CACNA2D1: variants seen among roughly 807,000 people sequenced by gnomAD.
CACNA2D1 encodes calcium voltage-gated channel auxiliary subunit alpha2delta 1.
In CACNA2D1, 53 loss-of-function variants were observed where a neutral mutation model predicts 171.5. The ratio of observed to expected loss-of-function variants is 0.31; its 90% CI spans 0.25 to 0.39. The LOEUF (loss-of-function observed/expected upper bound fraction) is 0.39. Ranked by LOEUF, CACNA2D1 falls within the 10% of genes least tolerant of loss-of-function variation. CACNA2D1 has a pLI of 1.00. For missense variants in CACNA2D1, 903 were observed against 1,299.8 expected (o/e 0.69, Z 4.69); for synonymous variants, 442 against 443.1 (o/e 1.00, Z 0.03).
intron 13 of CACNA2D1, 143 bp from the exon 14 acceptor site, chr7:82,013,653 C>G: frequency 4.0e-6 from 1 of 248,768 alleles, no homozygotes; most frequent in Non-Finnish European, 7.6e-6. Context: ...ACTGAAATAT[C>G]AAAATTAAGG....
At chr7:82,106,924 T>C (rs1314873821) in intron 6 of CACNA2D1, among the ~76,000 whole-genome samples, 1 of 152,218 alleles carries the variant, frequency 6.6e-6, no homozygotes, top group Non-Finnish European at 1.5e-5. Flanking sequence ...ATTAACCATA[T>C]ATGCTGACAT....
chr7:82,040,703 A>G (rs896047536), intron 10 of CACNA2D1, among the ~76,000 whole-genome samples: 1 of 152,104 alleles, frequency 6.6e-6, no homozygotes, highest in Non-Finnish European at 1.5e-5. Flanking sequence ...GGCCGGGCAC[A>G]GTGGTTCAGA....
rs118036824 is a variant in CACNA2D1, at chr7:82,336,088, T to A, written c.178-837A>T. 7.5e-3 allele frequency among the ~76,000 whole-genome samples: 1,146 copies of A among 152,230 alleles called. 8 individuals carry two copies. Among genetic ancestry groups the A allele is most frequent in the Non-Finnish European group, 0.011 (725 of 68,016 alleles). On this transcript the variant is annotated intron_variant, in intron 2 of 38. Transcript: ENST00000356860. Reference sequence around the variant, plus strand: ...AGATGAGAAGGAAATCCCTCATGCATCCAACAGATGGGGTGCACATGCATG... The same window carrying A: ...AGATGAGAAGGAAATCCCTCATGCAACCAACAGATGGGGTGCACATGCATG...
intron 31 of CACNA2D1, among the ~76,000 whole-genome samples, chr7:81,966,944 C>A (rs952231669): frequency 1.5e-4 from 22 of 151,350 alleles, no homozygotes; most frequent in Admixed American, 8.6e-4. Context: ...TTGACATGAC[C>A]ATTTTTTTAC....
At chr7:82,257,563 T>C (rs1359416836) in intron 3 of CACNA2D1, among the ~76,000 whole-genome samples, 6 of 152,164 alleles carry the variant, frequency 3.9e-5, no homozygotes, top group Admixed American at 1.3e-4. Flanking sequence ...AATAAAGAAA[T>C]ACAGGAGTTA....
chr7:82,063,587 A>G (rs1807230663), intron 9 of CACNA2D1, among the ~76,000 whole-genome samples: 2 of 151,520 alleles, frequency 1.3e-5, no homozygotes, highest in Non-Finnish European at 2.9e-5. Context: ...AGGGAAAAAC[A>G]TGAGCATTTC....
At chr7:82,378,623 C>A (rs1315872922) in intron 1 of CACNA2D1, among the ~76,000 whole-genome samples, 1 of 152,044 alleles carries the variant, frequency 6.6e-6, no homozygotes, top group Non-Finnish European at 1.5e-5. Flanking sequence ...TCATTATATG[C>A]CTAATTTTGT....
At chr7:82,357,156 A>C (rs1182561733) in intron 1 of CACNA2D1, among the ~76,000 whole-genome samples, 17 of 152,160 alleles carry the variant, frequency 1.1e-4, no homozygotes, top group East Asian at 1.9e-4. Context: ...GAGAGAAAAA[A>C]CTTGCCATTC....
At chr7:82,063,519 C>T (rs912630776) in intron 9 of CACNA2D1, among the ~76,000 whole-genome samples, 1 of 151,660 alleles carries the variant, frequency 6.6e-6, no homozygotes, top group African/African-American at 2.4e-5. Context: ...TTAGCTGTCC[C>T]CAAATTACTA....
chr7:81,971,340 T>C (rs765466295), intron 26 of CACNA2D1, among the ~76,000 whole-genome samples: 2 of 151,600 alleles, frequency 1.3e-5, no homozygotes, highest in Non-Finnish European at 3.0e-5. Flanking sequence ...GCCTTCATTA[T>C]GAGGTAGAGA....
At chr7:82,158,525 T>A (rs1794605302) in intron 4 of CACNA2D1, among the ~76,000 whole-genome samples, 1 of 151,954 alleles carries the variant, frequency 6.6e-6, no homozygotes, top group Admixed American at 6.6e-5. Context: ...TGAGTTATGT[T>A]TGTTTAGCTC....
At chr7:82,255,486 C>T (rs1395316435) in intron 3 of CACNA2D1, among the ~76,000 whole-genome samples, 1 of 152,180 alleles carries the variant, frequency 6.6e-6, no homozygotes, top group Non-Finnish European at 1.5e-5. Flanking sequence ...TATACCAACA[C>T]AGTTGGCATA....
chr7:82,175,324 T>C (rs1796450848), intron 3 of CACNA2D1, among the ~76,000 whole-genome samples: 1 of 152,012 alleles, frequency 6.6e-6, no homozygotes, highest in Non-Finnish European at 1.5e-5. Context: ...CTAATGTAAG[T>C]CAAGATTTTC....
Position 82,136,552 on chromosome 7 carries a change from C to T in CACNA2D1, c.396+83G>A, listed in dbSNP as rs1214911870. The T allele has an allele frequency of 6.8e-6, 7 of 1,028,464 alleles. No individual in the cohort carries two copies. The African/African-American group carries it at 1.2e-4, about 18-fold the overall frequency. 63.7% of individuals were successfully genotyped at this position (1,028,464 alleles called of 1,614,324 possible). A position where few individuals can be genotyped will look rare whatever the true frequency, so the allele number is the denominator to read the frequency against. On this transcript the variant is annotated intron_variant, in intron 5 of 38. Coordinates refer to ENST00000356860, the MANE Select transcript of CACNA2D1 (RefSeq NM_000722.4). ...TCTAACATTGTCTTAAAAACTAAAA[C>T]TGCTAGCTCAATTTATTCTATATAA...
At chr7:82,169,914 C>T (rs1795844238) in intron 4 of CACNA2D1, among the ~76,000 whole-genome samples, 1 of 151,216 alleles carries the variant, frequency 6.6e-6, no homozygotes, top group South Asian at 2.1e-4. Context: ...GATATGCAGA[C>T]CTTACCACAA....
intron 10 of CACNA2D1, among the ~76,000 whole-genome samples, chr7:82,040,879 G>T (rs1803877276): frequency 1.3e-5 from 2 of 152,112 alleles, no homozygotes; most frequent in Admixed American, 1.3e-4. Flanking sequence ...TGAGGCTGAG[G>T]CAGGAGAATC....
chr7:82,382,877 A>C (rs896745296), intron 1 of CACNA2D1, among the ~76,000 whole-genome samples: 2 of 152,190 alleles, frequency 1.3e-5, no homozygotes, highest in African/African-American at 4.8e-5. Flanking sequence ...AAGAACGTAA[A>C]TGTATTTGGA....
intron 3 of CACNA2D1, among the ~76,000 whole-genome samples, chr7:82,185,007 C>A (rs1797516376): frequency 6.6e-6 from 1 of 152,160 alleles, no homozygotes; most frequent in African/African-American, 2.4e-5. Context: ...GGTGGACCAG[C>A]TGGAATTTAA....
intron 4 of CACNA2D1, among the ~76,000 whole-genome samples, chr7:82,163,766 G>C (rs1440564652): frequency 6.6e-6 from 1 of 151,994 alleles, no homozygotes; most frequent in Non-Finnish European, 1.5e-5. Flanking sequence ...AACAGTAATA[G>C]GAGCTGGCAG....
Sources: gnomAD v4.1 joint callset for allele counts (sites outside exome capture counted in the v4.1 genomes callset) on GRCh38, gnomAD v4.1.1 for gene constraint, MANE v1.5 for transcripts, NCBI Gene and HGNC (gene_info 2026-07-23, HGNC 2026-07-21) for gene names.